Variants in ITSN1 observed in about 807,000 individuals in gnomAD.
ITSN1 encodes the protein intersectin-1.
Under a neutral mutation model 239.8 loss-of-function variants are expected in ITSN1, and 58 were observed. The observed-to-expected ratio is 0.24, with a 90% CI of 0.20 to 0.30. The LOEUF is 0.30. ITSN1 is among the 10% of genes least tolerant of loss of function. The probability of loss-of-function intolerance (pLI) is 1.00; values close to 1 mark genes in which losing one functional copy is unlikely to be tolerated. For synonymous variants in ITSN1, 780 were observed against 770.8 expected, an observed-to-expected ratio of 1.01 and a Z score of -0.20; for missense variants, 1,558 against 2,103.3, an observed-to-expected ratio of 0.74 and a Z score of 5.07.
intron 1 of ITSN1, among the ~76,000 whole-genome samples, chr21:33,676,871 A>C (rs1380220339): frequency 6.6e-6 from 1 of 152,112 alleles, no homozygotes; most frequent in South Asian, 2.1e-4. Context: ...CTATGGCTGC[A>C]TAGTATTTCA....
intron 29 of ITSN1, among the ~76,000 whole-genome samples, chr21:33,838,671 T>G (rs1160131725): frequency 6.6e-6 from 1 of 152,068 alleles, no homozygotes; most frequent in East Asian, 1.9e-4. Flanking sequence ...GCCCTCCCTC[T>G]CCCCGTGCTC....
At chr21:33,692,277 C>T (rs1316463111) in intron 1 of ITSN1, among the ~76,000 whole-genome samples, 1 of 152,190 alleles carries the variant, frequency 6.6e-6, no homozygotes, top group Non-Finnish European at 1.5e-5. Flanking sequence ...TAGAAAGAGG[C>T]TAAGCAACTC....
chr21:33,837,791 G>C lies in ITSN1; in HGVS notation c.3661+1159G>C, dbSNP rs554250537. The stretch of plus-strand genomic sequence containing the variant: ...GAGAAAGCACTCTGTGTTTTTGTTC[G>C]GTCTCAGATTTATCTGGTTGAGTTG... On this transcript the variant is annotated intron_variant, in intron 29 of 39. Transcript: ENST00000381318. The C allele has an allele frequency of 1.5e-3, 1,462 of 985,686 alleles. 2 individuals are homozygous for C. The highest frequency in any genetic ancestry group is 1.7e-3 in the Non-Finnish European group (1,423 of 829,936). 61.1% of individuals were successfully genotyped at this position (985,686 alleles called of 1,614,324 possible).
chr21:33,718,750 C>T (rs1006467638), intron 1 of ITSN1, 47 bp from the exon 2 acceptor site: 1 of 1,219,954 alleles, frequency 8.2e-7, no homozygotes, highest in Non-Finnish European at 1.2e-6. Context: ...TATGATTATA[C>T]AGGAATTAAG....
At chr21:33,682,443 G>A (rs1375633314) in intron 1 of ITSN1, among the ~76,000 whole-genome samples, 1 of 151,634 alleles carries the variant, frequency 6.6e-6, no homozygotes, top group Non-Finnish European at 1.5e-5. Context: ...TCGAACTCCC[G>A]ACCTCAGGTG....
At chr21:33,841,287 T>C (rs1002275909) in intron 29 of ITSN1, among the ~76,000 whole-genome samples, 3 of 152,176 alleles carry the variant, frequency 2.0e-5, no homozygotes, top group Non-Finnish European at 4.4e-5. Flanking sequence ...CCTCTAAATA[T>C]TAGGTTTAAC....
At chr21:33,769,203 G>T (rs970562741) in intron 11 of ITSN1, among the ~76,000 whole-genome samples, 4 of 152,214 alleles carry the variant, frequency 2.6e-5, no homozygotes, top group African/African-American at 9.6e-5. Flanking sequence ...GGACAGGAAT[G>T]CTTGGAATGC....
chr21:33,851,518 C>T (rs1299466529), intron 29 of ITSN1, among the ~76,000 whole-genome samples: 1 of 151,738 alleles, frequency 6.6e-6, no homozygotes, highest in Non-Finnish European at 1.5e-5. Flanking sequence ...CCTGCCTCAG[C>T]CTCCCGAGTA....
Position 33,652,044 on chromosome 21 carries a change from C to G in ITSN1, c.-33+9331C>G, listed in dbSNP as rs546641616. ...TGGAAACATATATAAGGAAAGAAGA[C>G]TAAAAGCCTACCAAGATCTTACCAT... On this transcript the variant is annotated intron_variant, in intron 1 of 39. Transcript: ENST00000381318. Among the ~76,000 whole-genome samples the G allele has an allele frequency of 2.0e-5, 3 of 152,284 alleles. 1 individual carries two copies. The highest frequency in any genetic ancestry group is 7.2e-5 in the African/African-American group (3 of 41,548).
At chr21:33,862,164 CAAAAAAAA>C (rs59129090) in intron 31 of ITSN1, among the ~76,000 whole-genome samples, 1 of 79,818 alleles carries the variant, frequency 1.3e-5, no homozygotes, top group African/African-American at 5.4e-5. Flanking sequence ...GACTGTGTCA[CAAAAAAAA>C]AAAAAAAAAA....
At chr21:33,841,259 AC>A (rs1389109182) in intron 29 of ITSN1, among the ~76,000 whole-genome samples, 5 of 152,358 alleles carry the variant, frequency 3.3e-5, no homozygotes, top group African/African-American at 1.2e-4. Flanking sequence ...AGAAATAGTA[AC>A]ACTAGCTTAG....
intron 24 of ITSN1, among the ~76,000 whole-genome samples, chr21:33,822,164 C>T (rs548795282): frequency 1.1e-4 from 17 of 152,348 alleles, no homozygotes; most frequent in African/African-American, 3.8e-4. Context: ...TCAACACTGG[C>T]GCTGAAGGAG....
At chr21:33,858,225 C>T (rs2148481385) in intron 30 of ITSN1, among the ~76,000 whole-genome samples, 1 of 152,316 alleles carries the variant, frequency 6.6e-6, no homozygotes, top group South Asian at 2.1e-4. Flanking sequence ...TGGCCACTGG[C>T]TTATTAGAGG....
Position 33,867,296 on chromosome 21 carries a change from C to A in ITSN1, c.4138C>A (p.Gln1380Lys). 1 of 1,609,344 alleles carries A rather than the reference C, an allele frequency of 6.2e-7. No homozygotes were observed. The highest frequency in any genetic ancestry group is 8.5e-7 in the Non-Finnish European group (1 of 1,175,782). ...PLSSFILKPM[Q>K]RVTRYPLIIK... is the part of the protein sequence containing the mutation. The stretch of plus-strand genomic sequence containing the variant: ...CTCTAGTTTTATACTGAAGCCTATG[C>A]AACGGGTAACAAGATACCCACTGAT... Residue 1380 changes from glutamine to lysine, a missense_variant, in exon 33 of 40, where the codon CAA becomes AAA. Gln to Lys is a moderately conservative substitution (Grantham distance 53). Around this residue, in one of 2 missense-constraint regions of ITSN1, gnomAD observed 576 missense variants for 893.3 expected, o/e 0.64. Coordinates refer to ENST00000381318, the MANE Select transcript of ITSN1 (RefSeq NM_003024.3).
At chr21:33,694,008 C>A (rs2091679383) in intron 1 of ITSN1, among the ~76,000 whole-genome samples, 1 of 152,120 alleles carries the variant, frequency 6.6e-6, no homozygotes, top group African/African-American at 2.4e-5. Context: ...TCATATATTT[C>A]ATTATATGGA....
intron 1 of ITSN1, among the ~76,000 whole-genome samples, chr21:33,711,081 G>A (rs2092402837): frequency 6.6e-6 from 1 of 151,936 alleles, no homozygotes; most frequent in African/African-American, 2.4e-5. Flanking sequence ...GGCCGGGGAA[G>A]GTTTTTAATG....
At chr21:33,742,988 A>G (rs2066953182) in intron 5 of ITSN1, among the ~76,000 whole-genome samples, 1 of 152,222 alleles carries the variant, frequency 6.6e-6, no homozygotes, top group Non-Finnish European at 1.5e-5. Context: ...CTCAAAGAGA[A>G]TAAGAAAATG....
At chr21:33,789,909 T>A (rs2070974516) in intron 16 of ITSN1, among the ~76,000 whole-genome samples, 1 of 152,238 alleles carries the variant, frequency 6.6e-6, no homozygotes, top group Non-Finnish European at 1.5e-5. Flanking sequence ...TGCCATAGGA[T>A]GTCCAAAGAT....
chr21:33,867,915 G>A (rs1981924616), intron 33 of ITSN1, among the ~76,000 whole-genome samples: 1 of 151,302 alleles, frequency 6.6e-6, no homozygotes, highest in Non-Finnish European at 1.5e-5. Context: ...CGTTCCTCCC[G>A]GTGGGCTCGT....
Sources: allele counts gnomAD v4.1 joint callset (sites outside exome capture counted in the v4.1 genomes callset), GRCh38; gene constraint gnomAD v4.1.1; regional missense constraint gnomAD v4.1.1; transcripts MANE v1.5; gene names NCBI Gene and HGNC (gene_info 2026-07-23, HGNC 2026-07-21).